Variants in CAPN3 observed in about 807,000 individuals in gnomAD.
CAPN3 encodes the protein calpain 3, also known as calpain-3.
A neutral mutation model predicts 114.0 loss-of-function variants in CAPN3; 88 were observed. The observed-to-expected ratio is 0.77, with a 90% CI of 0.65 to 0.92. The LOEUF (loss-of-function observed/expected upper bound fraction) is 0.92. CAPN3 is among the 40% of genes least tolerant of loss of function. The probability of loss-of-function intolerance (pLI) is 0.00; values close to 1 mark genes in which losing one functional copy is unlikely to be tolerated. For synonymous variants in CAPN3, 386 were observed against 382.9 expected (o/e 1.01, Z -0.09); for missense variants, 1,028 against 1,069.0 (o/e 0.96, Z 0.53).
At position 42,402,956 on chromosome 15, in the gene CAPN3, G is replaced by T. The variant is rs727503839; in HGVS notation, c.1699G>T (p.Gly567Trp). 4 of 1,614,226 alleles carry T rather than the reference G, an allele frequency of 2.5e-6. No homozygotes were observed. The highest frequency in any genetic ancestry group is 3.4e-6 in the Non-Finnish European group (4 of 1,180,034). ...CTCCACCTACGAGCCCCACCAGGAGGGGGAATTCATCCTCCGGGTCTTCTC... is the reference window on the plus strand; with the variant it reads ...CTCCACCTACGAGCCCCACCAGGAGTGGGAATTCATCCTCCGGGTCTTCTC... ...VPSTYEPHQE[G>W]EFILRVFSEK... The change falls in exon 13 of 24, where the codon GGG becomes TGG. Residue 567 changes from glycine to tryptophan, a missense_variant. By Grantham distance (184) the Gly-to-Trp change is radical. Coordinates refer to ENST00000397163, the MANE Select transcript of CAPN3 (RefSeq NM_000070.3).
intron 7 of CAPN3, among the ~76,000 whole-genome samples, chr15:42,393,889 G>A (rs1417493682): frequency 6.7e-6 from 1 of 150,246 alleles, no homozygotes; most frequent in East Asian, 2.0e-4. Flanking sequence ...CACCACGCCT[G>A]GCCAGCAGGG....
chr15:42,408,495 C>G (rs2141217367), intron 16 of CAPN3, 171 bp downstream of exon 16: 5 of 620,222 alleles, frequency 8.1e-6, no homozygotes, highest in South Asian at 7.6e-5. Context: ...ATTTGGGCTG[C>G]TGCTTGGGTG....
intron 1 of CAPN3, 66 bp downstream of exon 1, chr15:42,360,180 C>G: frequency 6.3e-7 from 1 of 1,580,750 alleles, no homozygotes; most frequent in Admixed American, 1.7e-5. Flanking sequence ...CTCAGCACCT[C>G]CGGCAGCTCA....
chr15:42,360,007 T>C lies in CAPN3; in HGVS notation c.202T>C (p.Cys68Arg), dbSNP rs2141102622. 1 of 1,614,218 alleles carries C rather than the reference T, an allele frequency of 6.2e-7. No homozygotes were observed. The highest frequency in any genetic ancestry group is 8.5e-7 in the Non-Finnish European group (1 of 1,180,030). Residue 68 changes from cysteine to arginine, a missense_variant, in exon 1 of 24, where the codon TGT becomes CGT. Coordinates refer to ENST00000397163, the MANE Select transcript of CAPN3 (RefSeq NM_000070.3). ...EKTFEQLHKK[C>R]LEKKVLYVDP... ...GACATTCGAGCAACTTCACAAGAAA[T>C]GTCTAGAAAAGAAAGTTCTTTATGT...
rs186120470 is a variant in CAPN3 at position 42,372,588 on chromosome 15, G to A, written c.310-11895G>A. ...CTTTCACCCAGGCGGTGGCTCACAC[G>A]TGTAATCCCAACACTTTGGGAGGCC... is the stretch of plus-strand genomic sequence containing the variant. On this transcript the variant is annotated intron_variant, in intron 1 of 23. Transcript: ENST00000397163. Among the ~76,000 whole-genome samples the A allele has an allele frequency of 6.4e-3, 980 of 152,028 alleles. 4 individuals are homozygous for A. Among genetic ancestry groups the A allele is most frequent in the Middle Eastern group, 0.01 (3 of 294 alleles).
At chr15:42,378,613 TTC>T (rs1432557533) in intron 1 of CAPN3, among the ~76,000 whole-genome samples, 4 of 152,162 alleles carry the variant, frequency 2.6e-5, no homozygotes, top group Non-Finnish European at 5.9e-5. Context: ...TTCATTGACT[TTC>T]TATTGTTTTC....
At chr15:42,395,117 T>A (rs918129835) in intron 8 of CAPN3, among the ~76,000 whole-genome samples, 3 of 152,224 alleles carry the variant, frequency 2.0e-5, no homozygotes, top group Admixed American at 2.0e-4. Context: ...ATGTAATTAC[T>A]GGTTCGTTCA....
At chr15:42,368,089 G>A (rs959488128) in intron 1 of CAPN3, among the ~76,000 whole-genome samples, 1 of 152,196 alleles carries the variant, frequency 6.6e-6, no homozygotes. Context: ...GTTATTTGCA[G>A]ATGCCATATT....
chr15:42,367,853 A>T (rs938154638), intron 1 of CAPN3, among the ~76,000 whole-genome samples: 1 of 152,060 alleles, frequency 6.6e-6, no homozygotes, highest in African/African-American at 2.4e-5. Context: ...CAGAGATAGG[A>T]GTCTCACTAT....
At chr15:42,385,752 T>G in intron 2 of CAPN3, 1 of 523,196 alleles carries the variant, frequency 1.9e-6, no homozygotes, top group Non-Finnish European at 3.8e-6. Context: ...TCTCTGAGGC[T>G]CAGTCTTCGC....
intron 1 of CAPN3, among the ~76,000 whole-genome samples, chr15:42,383,040 C>T (rs2053291100): frequency 6.6e-6 from 1 of 152,184 alleles, no homozygotes; most frequent in African/African-American, 2.4e-5. Context: ...TATAGGTAAA[C>T]GTTTTTGAAA....
At chr15:42,376,503 T>C (rs1595809676) in intron 1 of CAPN3, among the ~76,000 whole-genome samples, 1 of 152,190 alleles carries the variant, frequency 6.6e-6, no homozygotes, top group East Asian at 1.9e-4. Flanking sequence ...CACTGGGAGC[T>C]CTCAGTTGGC....
chr15:42,388,786 A>T, intron 4 of CAPN3, 142 bp from the exon 5 acceptor site: 1 of 795,136 alleles, frequency 1.3e-6, no homozygotes, highest in Non-Finnish European at 2.2e-6. Context: ...CATTGTTTCC[A>T]TCCCATGAGC....
At position 42,411,851 on chromosome 15, in the gene CAPN3, C is replaced by T; in HGVS notation, c.*78C>T. The T allele has an allele frequency of 1.9e-6, 3 of 1,612,532 alleles. No homozygotes were observed. The East Asian group carries it at 6.7e-5, about 36-fold the overall frequency. On this transcript the variant is annotated 3_prime_UTR_variant, in exon 24 of 24. Coordinates refer to ENST00000397163, the MANE Select transcript of CAPN3 (RefSeq NM_000070.3). ...ACCCTCTATTTCCAAAGCCATTTAC[C>T]TCAAAGGACCCAGCAGCTACACCCC... is the stretch of plus-strand genomic sequence containing the variant.
intron 9 of CAPN3, among the ~76,000 whole-genome samples, 179 bp from the exon 10 acceptor site, chr15:42,399,313 G>C (rs1018568927): frequency 1.3e-5 from 2 of 152,160 alleles, no homozygotes; most frequent in African/African-American, 2.4e-5. Context: ...TGATGGTTTG[G>C]AGTAGATACA....
chr15:42,409,902 C>T lies in CAPN3; in HGVS notation c.2051-29C>T, dbSNP rs146599748. On this transcript the variant is annotated intron_variant, in intron 18 of 23. Coordinates refer to ENST00000397163, the MANE Select transcript of CAPN3 (RefSeq NM_000070.3). Reference sequence around the variant, plus strand: ...GGTGGGGAGTCCCGTTGTCTCAAAGCAGCTCCTCACTCTTCTCCATCCCCC... The same window carrying T: ...GGTGGGGAGTCCCGTTGTCTCAAAGTAGCTCCTCACTCTTCTCCATCCCCC... The T allele has an allele frequency of 2.0e-3, 3,221 of 1,611,810 alleles. 38 individuals carry two copies. In the African/African-American group the frequency reaches 0.033, roughly 16 times the overall value.
rs1302248441 is a variant in CAPN3 at position 42,388,998 on chromosome 15, G to C, written c.703G>C (p.Val235Leu). ...TEAMEDFTGG[V>L]AEFFEIRDAP... ...GGCCATGGAGGACTTCACAGGAGGGGTGGCAGAGTTTTTTGAGATCAGGGA... is the reference window on the plus strand; with the variant it reads ...GGCCATGGAGGACTTCACAGGAGGGCTGGCAGAGTTTTTTGAGATCAGGGA... The change falls in exon 5 of 24, where the codon GTG (valine) becomes CTG (leucine). Residue 235 changes from valine to leucine, a missense_variant. Physicochemically the swap from Val to Leu is conservative, Grantham distance 32 (BLOSUM62 1). Transcript: ENST00000397163. 6.2e-7 allele frequency: 1 copy of C among 1,614,134 alleles called. No individual in the cohort carries two copies. Among genetic ancestry groups the C allele is most frequent in the Non-Finnish European group, 8.5e-7 (1 of 1,180,010 alleles).
intron 9 of CAPN3, among the ~76,000 whole-genome samples, chr15:42,398,033 C>T (rs1458669633): frequency 1.3e-5 from 2 of 152,022 alleles, no homozygotes; most frequent in South Asian, 2.1e-4. Context: ...AAAAAAAGTG[C>T]TGGGATTACA....
At chr15:42,365,145 C>T (rs928866350) in intron 1 of CAPN3, among the ~76,000 whole-genome samples, 4 of 152,136 alleles carry the variant, frequency 2.6e-5, no homozygotes, top group Admixed American at 1.3e-4. Flanking sequence ...TTATTCCAGA[C>T]CCACCCTAAC....
Sources: gnomAD v4.1 joint callset for allele counts (sites outside exome capture counted in the v4.1 genomes callset) on GRCh38, gnomAD v4.1.1 for gene constraint, MANE v1.5 for transcripts, NCBI Gene and HGNC (gene_info 2026-07-23, HGNC 2026-07-21) for gene names.